DCC: variants seen among roughly 807,000 people sequenced by gnomAD.
DCC encodes netrin receptor DCC.
DCC carries 58 observed loss-of-function variants against 172.5 expected under a neutral mutation model. The ratio of observed to expected loss-of-function variants is 0.34; its 90% CI spans 0.27 to 0.42. The LOEUF (loss-of-function observed/expected upper bound fraction) is 0.42, where lower values mean the gene tolerates loss of function less well. DCC is among the 10% of genes least tolerant of loss of function. The pLI is 1.00. For synonymous variants in DCC, 709 were observed against 644.5 expected, an observed-to-expected ratio of 1.10 and a Z score of -1.52; for missense variants, 1,740 against 1,791.0, an observed-to-expected ratio of 0.97 and a Z score of 0.51.
chr18:53,079,455 A>G (rs2042768200), intron 7 of DCC, among the ~76,000 whole-genome samples: 1 of 152,156 alleles, frequency 6.6e-6, no homozygotes, highest in South Asian at 2.1e-4. Context: ...TTTCTAGATC[A>G]AGAAAAATAA....
intron 15 of DCC, among the ~76,000 whole-genome samples, chr18:53,362,335 T>A (rs1368362332): frequency 6.6e-6 from 1 of 152,196 alleles, no homozygotes; most frequent in Admixed American, 6.6e-5. Context: ...CTCTGGGTAA[T>A]AATAGAGTTA....
intron 25 of DCC, among the ~76,000 whole-genome samples, chr18:53,474,972 T>G (rs1252215293): frequency 6.6e-6 from 1 of 152,174 alleles, no homozygotes; most frequent in Admixed American, 6.5e-5. Flanking sequence ...TGGTCTCAGA[T>G]GGAGATGAGG....
At chr18:52,422,054 A>G (rs1049966593) in intron 1 of DCC, among the ~76,000 whole-genome samples, 1 of 152,186 alleles carries the variant, frequency 6.6e-6, no homozygotes, top group Non-Finnish European at 1.5e-5. Context: ...GAAAACTGGA[A>G]AACAGAGAAA....
At chr18:53,177,096 G>A (rs1225089992) in intron 8 of DCC, among the ~76,000 whole-genome samples, 23 of 150,578 alleles carry the variant, frequency 1.5e-4, no homozygotes, top group Non-Finnish European at 2.4e-4. Flanking sequence ...ACCAAACACC[G>A]CATATTCTCA....
At chr18:52,704,069 A>G (rs374970038) in intron 1 of DCC, among the ~76,000 whole-genome samples, 2 of 144,996 alleles carry the variant, frequency 1.4e-5, no homozygotes, top group African/African-American at 5.8e-5. Flanking sequence ...GGGCCCTGTT[A>G]TGCTAACTTT....
intron 2 of DCC, among the ~76,000 whole-genome samples, chr18:52,898,932 T>A (rs1032641682): frequency 6.6e-6 from 1 of 152,164 alleles, no homozygotes; most frequent in African/African-American, 2.4e-5. Context: ...GGGACAGTGA[T>A]GTGAAGGGAG....
intron 15 of DCC, among the ~76,000 whole-genome samples, chr18:53,370,495 A>AT (rs1165793574): frequency 3.3e-5 from 5 of 151,294 alleles, no homozygotes; most frequent in Non-Finnish European, 5.9e-5. Context: ...TTAGTTTATT[A>AT]TTTTTTAATT....
chr18:52,695,665 T>C (rs1345126045), intron 1 of DCC, among the ~76,000 whole-genome samples: 1 of 152,228 alleles, frequency 6.6e-6, no homozygotes, highest in Non-Finnish European at 1.5e-5. Flanking sequence ...TGGCATTCAA[T>C]GGTAGCCCTA....
At chr18:53,097,546 A>G (rs2043104634) in intron 7 of DCC, among the ~76,000 whole-genome samples, 1 of 152,212 alleles carries the variant, frequency 6.6e-6, no homozygotes, top group South Asian at 2.1e-4. Flanking sequence ...ATTGAAGCAT[A>G]CATATTTGAT....
At chr18:53,081,575 C>T (rs933877806) in intron 7 of DCC, among the ~76,000 whole-genome samples, 2 of 151,870 alleles carry the variant, frequency 1.3e-5, no homozygotes, top group African/African-American at 4.8e-5. Context: ...CTCCTTTTCC[C>T]TTGTTTAAGA....
At chr18:53,476,542 T>C (rs1207981867) in intron 25 of DCC, among the ~76,000 whole-genome samples, 1 of 152,208 alleles carries the variant, frequency 6.6e-6, no homozygotes, top group Non-Finnish European at 1.5e-5. Context: ...GATGTGCCTT[T>C]TCCCTTCTGC....
intron 1 of DCC, among the ~76,000 whole-genome samples, chr18:52,664,397 T>G (rs577937424): frequency 1.3e-5 from 2 of 151,956 alleles, no homozygotes; most frequent in Non-Finnish European, 2.9e-5. Flanking sequence ...GGAAACGGCA[T>G]ATTTTAAATT....
chr18:52,575,367 G>A (rs1024129767), intron 1 of DCC, among the ~76,000 whole-genome samples: 2 of 152,136 alleles, frequency 1.3e-5, no homozygotes, highest in African/African-American at 2.4e-5. Context: ...ATAGAGGTGC[G>A]TTATACTCAG....
At chr18:52,547,713 G>T (rs1435072197) in intron 1 of DCC, among the ~76,000 whole-genome samples, 1 of 152,096 alleles carries the variant, frequency 6.6e-6, no homozygotes, top group African/African-American at 2.4e-5. Flanking sequence ...AATGAAAAGA[G>T]GGGGCATGTT....
At chr18:53,428,165 TATATA>T (rs1252857066) in intron 21 of DCC, among the ~76,000 whole-genome samples, 2 of 48,776 alleles carry the variant, frequency 4.1e-5, no homozygotes, top group African/African-American at 1.2e-4. Flanking sequence ...AATATAATAA[TATATA>T]ATATGTAATA....
At chr18:53,229,861 T>C (rs749307306) in intron 12 of DCC, among the ~76,000 whole-genome samples, 3 of 152,042 alleles carry the variant, frequency 2.0e-5, no homozygotes, top group Non-Finnish European at 2.9e-5. Context: ...AAAAGAAAGG[T>C]CAAATTCTTT....
intron 2 of DCC, among the ~76,000 whole-genome samples, chr18:52,769,089 C>T (rs981530990): frequency 6.6e-6 from 1 of 152,204 alleles, no homozygotes; most frequent in Non-Finnish European, 1.5e-5. Context: ...AAAATCATCA[C>T]TTCCTGATAT....
chr18:52,823,809 G>A (rs192548258), intron 2 of DCC, among the ~76,000 whole-genome samples: 112 of 152,248 alleles, frequency 7.4e-4, no homozygotes, highest in Middle Eastern at 3.4e-3. Context: ...TGTCCTGTAC[G>A]GGATACATAA....
At chr18:52,944,141 C>CT (rs1402714457) in intron 5 of DCC, among the ~76,000 whole-genome samples, 6 of 152,158 alleles carry the variant, frequency 3.9e-5, no homozygotes, top group African/African-American at 1.4e-4. Context: ...ATTCTAATAA[C>CT]ATTTCTCAGT....
Sources: allele counts gnomAD v4.1 joint callset (sites outside exome capture counted in the v4.1 genomes callset), GRCh38; gene constraint gnomAD v4.1.1; transcripts MANE v1.5; gene names NCBI Gene and HGNC (gene_info 2026-07-23, HGNC 2026-07-21).